The following SDK1 variants were observed in gnomAD, a reference collection of about 807,000 sequenced individuals.
The protein encoded by SDK1 is protein sidekick-1.
A neutral mutation model predicts 245.5 loss-of-function variants in SDK1; 157 were observed. The observed-to-expected ratio is 0.64, with a 90% CI of 0.56 to 0.73. SDK1 has a LOEUF of 0.73. Ranked by LOEUF, SDK1 falls within the 30% of genes least tolerant of loss-of-function variation. The probability of loss-of-function intolerance (pLI) is 0.00; values close to 1 mark genes in which losing one functional copy is unlikely to be tolerated. For missense variants in SDK1, 3,583 were observed against 3,002.3 expected (o/e 1.19, Z -4.52); for synonymous variants, 1,647 against 1,278.5 (o/e 1.29, Z -6.15).
chr7:3,387,349 C>T (rs1781635729), intron 1 of SDK1, among the ~76,000 whole-genome samples: 1 of 152,112 alleles, frequency 6.6e-6, no homozygotes, highest in African/African-American at 2.4e-5. Flanking sequence ...CCTCAAAGTC[C>T]AGAGGTGGGC....
At chr7:4,202,132 G>A (rs1485844476) in intron 35 of SDK1, among the ~76,000 whole-genome samples, 1 of 152,094 alleles carries the variant, frequency 6.6e-6, no homozygotes, top group Non-Finnish European at 1.5e-5. Flanking sequence ...TGCTCTCTGG[G>A]CCCCGACCCT....
chr7:4,084,558 G>T (rs1422725899), intron 22 of SDK1, among the ~76,000 whole-genome samples: 1 of 152,110 alleles, frequency 6.6e-6, no homozygotes. Flanking sequence ...CTCCCAGCTG[G>T]TCCCTGCTTC....
chr7:3,405,192 C>G (rs1464253176), intron 1 of SDK1, among the ~76,000 whole-genome samples: 3 of 149,596 alleles, frequency 2.0e-5, no homozygotes, highest in East Asian at 1.9e-4. Flanking sequence ...ACAAAAAACA[C>G]TTTCCTTAAT....
At chr7:3,722,885 T>G (rs1404185063) in intron 4 of SDK1, among the ~76,000 whole-genome samples, 2 of 152,242 alleles carry the variant, frequency 1.3e-5, no homozygotes, top group South Asian at 4.1e-4. Context: ...TCAGGACATA[T>G]GCTTTCCCCA....
intron 38 of SDK1, among the ~76,000 whole-genome samples, chr7:4,218,858 T>C (rs1433067735): frequency 6.6e-6 from 1 of 152,092 alleles, no homozygotes; most frequent in African/African-American, 2.4e-5. Flanking sequence ...TTGAAAGTTC[T>C]GAGAAGTCCA....
rs944005941 is a variant in SDK1 at position 4,232,225 on chromosome 7, T to C, written c.5828-1030T>C. Among the ~76,000 whole-genome samples, 6 of 151,948 alleles carry C rather than the reference T, an allele frequency of 3.9e-5. No individual in the cohort carries two copies. In the East Asian group the frequency reaches 1.2e-3, roughly 29 times the overall value. Reference sequence around the variant, plus strand: ...GTTATCACCATTCTACAGACAAGGGTCAGAGAGGTTCCGTTCTTTGTCTAA... The same window carrying C: ...GTTATCACCATTCTACAGACAAGGGCCAGAGAGGTTCCGTTCTTTGTCTAA... On this transcript the variant is annotated intron_variant, in intron 40 of 44. Coordinates refer to ENST00000404826, the MANE Select transcript of SDK1 (RefSeq NM_152744.4).
intron 4 of SDK1, among the ~76,000 whole-genome samples, chr7:3,808,271 G>T (rs1246437192): frequency 6.6e-6 from 1 of 152,188 alleles, no homozygotes; most frequent in Non-Finnish European, 1.5e-5. Context: ...GGGGAGCATG[G>T]TGCCCCTTCT....
chr7:3,746,475 C>T (rs1364721345), intron 4 of SDK1, among the ~76,000 whole-genome samples: 2 of 152,176 alleles, frequency 1.3e-5, no homozygotes, highest in African/African-American at 4.8e-5. Flanking sequence ...GCACTGCTTG[C>T]TGCTCTTTTA....
intron 1 of SDK1, among the ~76,000 whole-genome samples, chr7:3,412,374 C>T (rs532958158): frequency 6.6e-6 from 1 of 152,074 alleles, no homozygotes; most frequent in Non-Finnish European, 1.5e-5. Flanking sequence ...TGCACCTTGC[C>T]TTTTTTCTCA....
chr7:4,165,049 T>TTTTTG lies in SDK1; in HGVS notation c.4800+3213_4800+3217dup, dbSNP rs552473360. On this transcript the variant is annotated intron_variant, in intron 32 of 44. Transcript: ENST00000404826. ...TGTTTCACCTGTAAACCTTTTGTGT[T>TTTTTG]TTTTGTTTTGTTTTGTTTTGTTTTT... Among the ~76,000 whole-genome samples, 48 of 152,320 alleles carry TTTTTG rather than the reference T, an allele frequency of 3.2e-4. No individual in the cohort carries two copies. In the South Asian group the frequency reaches 8.7e-3, roughly 28 times the overall value.
intron 1 of SDK1, among the ~76,000 whole-genome samples, chr7:3,544,126 T>C (rs765919122): frequency 3.3e-5 from 5 of 152,216 alleles, no homozygotes; most frequent in Admixed American, 6.5e-5. Context: ...CCTGGCCTTA[T>C]AGCATCAATT....
At chr7:4,028,992 A>G (rs553065618) in intron 17 of SDK1, among the ~76,000 whole-genome samples, 2 of 152,056 alleles carry the variant, frequency 1.3e-5, no homozygotes, top group South Asian at 4.2e-4. Flanking sequence ...CCAGGAAGCC[A>G]TCACCAGGGG....
intron 17 of SDK1, among the ~76,000 whole-genome samples, chr7:4,035,737 A>G (rs1226580566): frequency 6.6e-6 from 1 of 152,344 alleles, no homozygotes; most frequent in Non-Finnish European, 1.5e-5. Flanking sequence ...ACATGATTGC[A>G]GGTCAGAAGC....
Position 3,462,446 on chromosome 7 carries a change from T to C in SDK1, c.299-156634T>C, listed in dbSNP as rs191748613. 1.2e-4 allele frequency among the ~76,000 whole-genome samples: 19 copies of C among 152,332 alleles called. No individual in the cohort carries two copies. In the East Asian group the frequency reaches 1.7e-3, roughly 14 times the overall value. ...TGTTCCATTCTCAACCTACAATCTTTTCCTAAGCTATTTCATTCATGTACA... is the reference window on the plus strand; with the variant it reads ...TGTTCCATTCTCAACCTACAATCTTCTCCTAAGCTATTTCATTCATGTACA... On this transcript the variant is annotated intron_variant, in intron 1 of 44. Coordinates refer to ENST00000404826, the MANE Select transcript of SDK1 (RefSeq NM_152744.4).
intron 2 of SDK1, among the ~76,000 whole-genome samples, chr7:3,637,062 A>AGAGG (rs1782478857): frequency 6.6e-6 from 1 of 150,586 alleles, no homozygotes; most frequent in East Asian, 2.0e-4. Context: ...GCAGAGAGAG[A>AGAGG]GAGAGAGAGA....
At chr7:3,888,506 G>A (rs1489047047) in intron 5 of SDK1, among the ~76,000 whole-genome samples, 1 of 152,190 alleles carries the variant, frequency 6.6e-6, no homozygotes, top group Non-Finnish European at 1.5e-5. Context: ...TAAATCAATG[G>A]TGATGCGTTA....
At chr7:3,695,729 A>G (rs1784550590) in intron 4 of SDK1, among the ~76,000 whole-genome samples, 1 of 152,216 alleles carries the variant, frequency 6.6e-6, no homozygotes, top group Non-Finnish European at 1.5e-5. Context: ...TCCTTATAAC[A>G]TGCACTTATT....
chr7:3,888,145 A>G (rs1781379697), intron 5 of SDK1, among the ~76,000 whole-genome samples: 1 of 152,230 alleles, frequency 6.6e-6, no homozygotes, highest in Non-Finnish European at 1.5e-5. Context: ...TCAGTGAATG[A>G]TAGATGCCGC....
intron 4 of SDK1, among the ~76,000 whole-genome samples, chr7:3,802,572 A>G (rs950239617): frequency 6.6e-6 from 1 of 150,938 alleles, no homozygotes; most frequent in Non-Finnish European, 1.5e-5. Flanking sequence ...TTCTGTCACC[A>G]CAGACATCCA....
Sources: allele counts gnomAD v4.1 joint callset (sites outside exome capture counted in the v4.1 genomes callset), GRCh38; gene constraint gnomAD v4.1.1; transcripts MANE v1.5; gene names NCBI Gene and HGNC (gene_info 2026-07-23, HGNC 2026-07-21).